The following SIPA1L3 variants were observed in gnomAD, a reference collection of about 807,000 sequenced individuals.
SIPA1L3 encodes the protein signal induced proliferation associated 1 like 3.
In SIPA1L3, 59 loss-of-function variants were observed where a neutral mutation model predicts 150.1. The observed-to-expected ratio is 0.39, with a 90% CI of 0.32 to 0.49. SIPA1L3 has a LOEUF of 0.49. Among genes scored for constraint, SIPA1L3 ranks in the 20% least tolerant of loss-of-function variants. SIPA1L3 has a pLI of 0.86. For missense variants in SIPA1L3, 2,211 were observed against 2,489.5 expected (o/e 0.89, Z 2.38); for synonymous variants, 1,070 against 1,077.6 (o/e 0.99, Z 0.14).
chr19:38,183,599 G>A (rs1049465030), intron 16 of SIPA1L3, among the ~76,000 whole-genome samples: 5 of 152,220 alleles, frequency 3.3e-5, no homozygotes, highest in African/African-American at 1.2e-4. Flanking sequence ...ACGGAGGCGT[G>A]AGGGGGGCCC....
chr19:38,123,579 G>A lies in SIPA1L3; in HGVS notation c.2868+3697G>A, dbSNP rs957128195. Among the ~76,000 whole-genome samples the A allele has an allele frequency of 4.0e-5, 6 of 148,892 alleles. No individual in the cohort carries two copies. The Admixed American group carries it at 4.0e-4, about 10-fold the overall frequency. ...CATGTTTCAGAGAGCACAGGGTTGG[G>A]GGTAAGGTCACAGATCAACAGGATC... On this transcript the variant is annotated intron_variant, in intron 9 of 21. Transcript: ENST00000222345.
At chr19:38,072,609 G>C (rs1260498715) in intron 2 of SIPA1L3, among the ~76,000 whole-genome samples, 1 of 152,266 alleles carries the variant, frequency 6.6e-6, no homozygotes, top group Non-Finnish European at 1.5e-5. Flanking sequence ...TTCAGCTCCA[G>C]CACTCCTGGT....
chr19:38,172,329 G>A (rs1391173439), intron 15 of SIPA1L3, among the ~76,000 whole-genome samples: 2 of 152,170 alleles, frequency 1.3e-5, no homozygotes, highest in Admixed American at 1.3e-4. Flanking sequence ...GGCAGCCAGC[G>A]GGGACTGATT....
At chr19:37,928,694 A>G (rs1440581498) in intron 1 of SIPA1L3, among the ~76,000 whole-genome samples, 1 of 152,210 alleles carries the variant, frequency 6.6e-6, no homozygotes, top group African/African-American at 2.4e-5. Flanking sequence ...TAGCTTGAGA[A>G]TTTGCATTTT....
intron 9 of SIPA1L3, among the ~76,000 whole-genome samples, chr19:38,121,608 G>A (rs1260672421): frequency 1.9e-4 from 29 of 151,518 alleles, no homozygotes; most frequent in African/African-American, 5.8e-4. Context: ...GCATGGTGGC[G>A]GGTGCCTGTA....
intron 15 of SIPA1L3, among the ~76,000 whole-genome samples, chr19:38,169,830 G>C (rs968169653): frequency 1.3e-5 from 2 of 152,152 alleles, no homozygotes; most frequent in East Asian, 1.9e-4. Flanking sequence ...AGATGGGCGA[G>C]GCCCAGGCAG....
rs1396287809 is a variant in SIPA1L3, at chr19:38,112,141, GCACACAGGCACATGCATC to G, written c.2291+1764_2291+1781del. Among the ~76,000 whole-genome samples, 135 of 147,194 alleles carry G rather than the reference GCACACAGGCACATGCATC, an allele frequency of 9.2e-4. 2 individuals carry two copies. Among genetic ancestry groups the G allele is most frequent in the South Asian group, 1.1e-3 (5 of 4,662 alleles). On this transcript the variant is annotated intron_variant, in intron 8 of 21. Transcript: ENST00000222345. The stretch of plus-strand genomic sequence containing the variant: ...TGCACACACATACAGGTACACACCT[GCACACAGGCACATGCATC>G]CACACACATGCACATGCACACACAT...
intron 1 of SIPA1L3, among the ~76,000 whole-genome samples, chr19:37,973,921 C>G (rs745902963): frequency 6.6e-6 from 1 of 152,134 alleles, no homozygotes; most frequent in Non-Finnish European, 1.5e-5. Context: ...TCACCCAAGG[C>G]AGAAGAGGGA....
chr19:37,931,472 C>T (rs963481850), intron 1 of SIPA1L3, among the ~76,000 whole-genome samples: 3 of 152,142 alleles, frequency 2.0e-5, no homozygotes, highest in Admixed American at 1.3e-4. Context: ...TAAGGCCGGC[C>T]GCGGTGGCTC....
At position 38,076,430 on chromosome 19, in the gene SIPA1L3, G is replaced by A. The variant is rs116958950; in HGVS notation, c.-310-4826G>A. On this transcript the variant is annotated intron_variant, in intron 2 of 21. Transcript: ENST00000222345. ...CACACTGCACTACCGTCATAGTTTC[G>A]CGACCACCTCCTGTTGCTACTGCGG... is the stretch of plus-strand genomic sequence containing the variant. Among the ~76,000 whole-genome samples the A allele has an allele frequency of 6.7e-3, 1,014 of 152,152 alleles. 7 individuals are homozygous for A. The highest frequency in any genetic ancestry group is 0.011 in the Non-Finnish European group (716 of 68,016).
At chr19:37,966,811 A>G (rs2046908003) in intron 1 of SIPA1L3, among the ~76,000 whole-genome samples, 1 of 152,136 alleles carries the variant, frequency 6.6e-6, no homozygotes, top group Non-Finnish European at 1.5e-5. Context: ...CAGGTGGAAA[A>G]CAGGAGTGCG....
At chr19:38,021,826 G>A (rs1005777776) in intron 1 of SIPA1L3, among the ~76,000 whole-genome samples, 5 of 152,202 alleles carry the variant, frequency 3.3e-5, no homozygotes, top group Admixed American at 6.5e-5. Context: ...GATTACAGGC[G>A]TGAGCCACTG....
At chr19:38,001,929 TTTTA>T (rs779348277) in intron 1 of SIPA1L3, among the ~76,000 whole-genome samples, 17 of 152,212 alleles carry the variant, frequency 1.1e-4, no homozygotes, top group Non-Finnish European at 1.8e-4. Context: ...TATGAACAGT[TTTTA>T]TTTGTCAGTT....
chr19:38,082,750 G>A lies in SIPA1L3; in HGVS notation c.1185G>A (p.Leu395=). 2 of 1,612,898 alleles carry A rather than the reference G, an allele frequency of 1.2e-6. No homozygotes were observed. The highest frequency in any genetic ancestry group is 8.5e-7 in the Non-Finnish European group (1 of 1,179,854). ...CGCGGGCCCACAGCCTCGGAGGCCT[G>A]GACCCGGCCTTCACCAGCACAGAGG... The part of the protein sequence containing the change: ...TASRAHSLGG[L]DPAFTSTEDL... The change falls in exon 3 of 22, where the codon CTG becomes CTA. Residue 395 remains leucine (L), a synonymous_variant. Coordinates refer to ENST00000222345, the MANE Select transcript of SIPA1L3 (RefSeq NM_015073.3).
At chr19:38,150,172 T>G (rs987611446) in intron 12 of SIPA1L3, among the ~76,000 whole-genome samples, 1 of 152,202 alleles carries the variant, frequency 6.6e-6, no homozygotes, top group Non-Finnish European at 1.5e-5. Flanking sequence ...GTTTCGTACT[T>G]CCTGTGTTTG....
intron 16 of SIPA1L3, 43 bp from the exon 17 acceptor site, chr19:38,192,102 G>A (rs763538525): frequency 6.5e-7 from 1 of 1,529,050 alleles, no homozygotes. Flanking sequence ...AAAGTGGCTT[G>A]AGCCTCCCTG....
intron 1 of SIPA1L3, among the ~76,000 whole-genome samples, chr19:37,927,564 G>A (rs567854966): frequency 3.5e-4 from 45 of 129,242 alleles, no homozygotes; most frequent in African/African-American, 1.2e-3. Flanking sequence ...GTGTGTGTAC[G>A]TACCCAATGT....
chr19:38,130,512 C>A lies in SIPA1L3; in HGVS notation c.2883C>A (p.Gly961=), dbSNP rs1971280682. 5 of 1,611,904 alleles carry A rather than the reference C, an allele frequency of 3.1e-6. No homozygotes were observed. In the Middle Eastern group the frequency reaches 5.5e-4, roughly 178 times the overall value. Residue 961 remains glycine, a synonymous_variant, in exon 10 of 22, where the codon GGC becomes GGA. Transcript: ENST00000222345. ...IVQRLKVMTS[G]WETVDMTLRR... ...GTGGCCTGCAGGTGATGACCAGTGGCTGGGAGACGGTGGACATGACGCTTC... is the reference window on the plus strand; with the variant it reads ...GTGGCCTGCAGGTGATGACCAGTGGATGGGAGACGGTGGACATGACGCTTC...
intron 3 of SIPA1L3, among the ~76,000 whole-genome samples, chr19:38,086,058 G>T (rs1600044095): frequency 6.6e-6 from 1 of 151,842 alleles, no homozygotes; most frequent in East Asian, 1.9e-4. Context: ...CACAACCATA[G>T]CGGGAGAAGT....
Sources: gnomAD v4.1 joint callset for allele counts (sites outside exome capture counted in the v4.1 genomes callset) on GRCh38, gnomAD v4.1.1 for gene constraint, MANE v1.5 for transcripts, NCBI Gene and HGNC (gene_info 2026-07-23, HGNC 2026-07-21) for gene names.